MUC5AC: variants seen among roughly 807,000 people sequenced by gnomAD.
MUC5AC encodes mucin 5AC, oligomeric mucus/gel-forming.
Under a neutral mutation model 169.7 loss-of-function variants are expected in MUC5AC, and 158 were observed. The observed-to-expected ratio is 0.93, with a 90% CI of 0.82 to 1.06. The LOEUF is 1.06. Among genes scored for constraint, MUC5AC ranks in the 50% least tolerant of loss-of-function variants. The pLI is 0.00. For missense variants in MUC5AC, 4,359 were observed against 3,089.9 expected (o/e 1.41, Z -9.74); for synonymous variants, 1,975 against 1,237.0 (o/e 1.60, Z -12.52).
At position 1,186,887 on chromosome 11, in the gene MUC5AC, C is replaced by G. The variant is rs2133759592; in HGVS notation, c.8742C>G (p.Thr2914=). Residue 2914 remains threonine, a synonymous_variant, in exon 31 of 49, where the codon ACC becomes ACG. Transcript: ENST00000621226. The part of the protein sequence containing the change: ...PTTSTTSAPT[T]STTSAPTSST... ...CCAGCACAACCTCTGCCCCTACAACCAGCACAACCTCTGCCCCTACAAGCA... is the reference window on the plus strand; with the variant it reads ...CCAGCACAACCTCTGCCCCTACAACGAGCACAACCTCTGCCCCTACAAGCA... The G allele has an allele frequency of 1.4e-6, 1 of 727,332 alleles. No homozygotes were observed. The highest frequency in any genetic ancestry group is 1.7e-5 in the African/African-American group (1 of 57,894). 45.1% of individuals were successfully genotyped at this position (727,332 alleles called of 1,614,324 possible).
In MUC5AC at chr11:1,186,253, T is replaced by C. The variant is rs1210443463; in HGVS notation, c.8108T>C (p.Val2703Ala). 2 of 728,426 alleles carry C rather than the reference T, an allele frequency of 2.7e-6. No individual in the cohort carries two copies. The highest frequency in any genetic ancestry group is 1.9e-5 in the African/African-American group (1 of 53,876). 45.1% of individuals were successfully genotyped at this position (728,426 alleles called of 1,614,324 possible). The change falls in exon 31 of 49, where the codon GTT becomes GCT. Residue 2703 changes from valine (V) to alanine (A), a missense_variant. Coordinates refer to ENST00000621226, the MANE Select transcript of MUC5AC (RefSeq NM_001304359.2). ...TSGPGTTPSP[V>A]PTTSTTSAPT... The stretch of plus-strand genomic sequence containing the variant: ...GGTCCTGGAACTACTCCCAGCCCTG[T>C]TCCCACCACCAGCACAACCTCTGCT...
intron 11 of MUC5AC, 65 bp downstream of exon 11, chr11:1,165,825 TC>T: frequency 1.9e-6 from 3 of 1,597,482 alleles, no homozygotes; most frequent in Non-Finnish European, 1.7e-6. Flanking sequence ...TCCCACAGGC[TC>T]CCCCAGCTTG....
In MUC5AC at chr11:1,164,137, T is replaced by C; in HGVS notation, c.821T>C (p.Leu274Pro). 6.2e-7 allele frequency: 1 copy of C among 1,612,346 alleles called. No homozygotes were observed. Among genetic ancestry groups the C allele is most frequent in the Non-Finnish European group, 8.5e-7 (1 of 1,179,856 alleles). Residue 274 changes from leucine (L) to proline (P), a missense_variant, in exon 8 of 49, where the codon CTG (leucine) becomes CCG (proline). Leu to Pro is a moderately conservative substitution (Grantham distance 98). Coordinates refer to ENST00000621226, the MANE Select transcript of MUC5AC (RefSeq NM_001304359.2). ...TGTGAGGAGCTCCTGCACGGCCAGC[T>C]GTTCTCTGGCTGCGTGGCCCTGGTG... ...GICEELLHGQ[L>P]FSGCVALVDV...
intron 45 of MUC5AC, 68 bp downstream of exon 45, chr11:1,199,253 G>A (rs891871953): frequency 2.0e-5 from 14 of 710,556 alleles, no homozygotes; most frequent in South Asian, 2.9e-5. Flanking sequence ...GGGACCTGTC[G>A]TTGCCAGGCA....
intron 33 of MUC5AC, 49 bp from the exon 34 acceptor site, chr11:1,194,061 T>C (rs752045718): frequency 1.3e-6 from 1 of 756,438 alleles, no homozygotes; most frequent in Non-Finnish European, 2.4e-6. Flanking sequence ...CCCAGGGCCA[T>C]GGTGCCACCA....
In MUC5AC at chr11:1,192,234, C is replaced by T. The variant is rs781353013; in HGVS notation, c.14089C>T (p.Arg4697Cys). Reference protein sequence around the residue: ...EHLGQVVQCSREEGLVCRNQD... With the variant: ...EHLGQVVQCSCEEGLVCRNQD... Reference sequence around the variant, plus strand: ...CCTGGGTCAGGTGGTGCAGTGCAGCCGTGAAGAGGGCCTGGTGTGCCGGAA... The same window carrying T: ...CCTGGGTCAGGTGGTGCAGTGCAGCTGTGAAGAGGGCCTGGTGTGCCGGAA... Residue 4697 changes from arginine (R) to cysteine (C), a missense_variant, in exon 31 of 49, where the codon CGT (arginine) becomes TGT (cysteine). Arg to Cys is a radical substitution (Grantham distance 180). Coordinates refer to ENST00000621226, the MANE Select transcript of MUC5AC (RefSeq NM_001304359.2). The T allele has an allele frequency of 2.5e-5, 19 of 764,990 alleles. No homozygotes were observed. Among genetic ancestry groups the T allele is most frequent in the South Asian group, 6.7e-5 (5 of 74,626 alleles). 47.4% of individuals were successfully genotyped at this position (764,990 alleles called of 1,614,324 possible).
At chr11:1,197,445 G>A (rs1277405455) in intron 40 of MUC5AC, 23 bp from the exon 41 acceptor site, 3 of 703,206 alleles carry the variant, frequency 4.3e-6, no homozygotes, top group Non-Finnish European at 7.8e-6. Flanking sequence ...GCGGACGCTG[G>A]ACCTCAGTCC....
intron 15 of MUC5AC, among the ~76,000 whole-genome samples, chr11:1,170,493 T>C (rs1344511965): frequency 2.8e-5 from 3 of 108,994 alleles, no homozygotes; most frequent in Admixed American, 9.1e-5. Flanking sequence ...ACCCACTCAC[T>C]CACCCACTCA....
At chr11:1,168,082 A>C in intron 12 of MUC5AC, 95 bp downstream of exon 12, 1 of 1,096,414 alleles carries the variant, frequency 9.1e-7, no homozygotes. Flanking sequence ...CCCTGGCATG[A>C]ACAGCGAGAG....
rs1860948700 is a variant in MUC5AC at position 1,186,446 on chromosome 11, GACTACAACCAGCACAACCTCTGCT to G, written c.8318_8341del (p.Thr2773_Thr2780del). The G allele has an allele frequency of 1.8e-5, 11 of 605,146 alleles. No homozygotes were observed. Among genetic ancestry groups the G allele is most frequent in the East Asian group, 3.1e-5 (1 of 31,934 alleles). The allele number at this position is 605,146 out of a possible 1,614,324, so 37.5% of individuals were successfully genotyped here. On this transcript the variant is annotated inframe_deletion, in exon 31 of 49. Coordinates refer to ENST00000621226, the MANE Select transcript of MUC5AC (RefSeq NM_001304359.2). ...CCTCTACCACCAGCACAACCTCTGC[GACTACAACCAGCACAACCTCTGCT>G]ACTACAACCAGCACAATCTCTGCCC...
In MUC5AC at chr11:1,161,995, C is replaced by T. The variant is rs772703676; in HGVS notation, c.300C>T (p.Pro100=). ...KTFDGDVFRF[P]GLCNYVFSEH... ...TCGACGGCGACGTCTTCCGCTTCCC[C>T]GGCCTCTGCAACTACGTGTTCTCCG... Residue 100 remains proline, a synonymous_variant, in exon 4 of 49, where the codon CCC becomes CCT. Transcript: ENST00000621226. 87 of 1,612,300 alleles carry T rather than the reference C, an allele frequency of 5.4e-5. No homozygotes were observed. The highest frequency in any genetic ancestry group is 6.7e-5 in the Non-Finnish European group (79 of 1,179,730).
At position 1,167,921 on chromosome 11, in the gene MUC5AC, G is replaced by C. The variant is rs1302298442; in HGVS notation, c.1431G>C (p.Arg477Ser). 2 of 1,550,698 alleles carry C rather than the reference G, an allele frequency of 1.3e-6. No homozygotes were observed. The highest frequency in any genetic ancestry group is 1.7e-6 in the Non-Finnish European group (2 of 1,147,206). The change falls in exon 12 of 49, where the codon AGG becomes AGC. Residue 477 changes from arginine to serine, a missense_variant. Coordinates refer to ENST00000621226, the MANE Select transcript of MUC5AC (RefSeq NM_001304359.2). ...TCACTGTACTGGCTGAGCTGCGCAG[G>C]TGCGGGCTGACGGACAGCGAGACCT... is the stretch of plus-strand genomic sequence containing the variant. ...SAFTVLAELR[R>S]CGLTDSETCL...
rs1861040450 is a variant in MUC5AC, at chr11:1,189,663, A to G, written c.11518A>G (p.Thr3840Ala). The G allele has an allele frequency of 1.6e-6, 1 of 628,624 alleles. No individual in the cohort carries two copies. The highest frequency in any genetic ancestry group is 2.8e-6 in the Non-Finnish European group (1 of 352,208). The allele number at this position is 628,624 out of a possible 1,614,324, so 38.9% of individuals were successfully genotyped here. Residue 3840 changes from threonine to alanine, a missense_variant, in exon 31 of 49, where the codon ACT (threonine) becomes GCT (alanine). By Grantham distance (58) the Thr-to-Ala change is moderately conservative. Transcript: ENST00000621226. ...AACCTCAGCTCCTACAACCAGCACA[A>G]CTTCTGCCCCTACAACCAGCACAAC... Reference protein sequence around the residue: ...STTSAPTTSTTSAPTTSTTST... With the variant: ...STTSAPTTSTASAPTTSTTST...
intron 5 of MUC5AC, 96 bp from the exon 6 acceptor site, chr11:1,162,859 G>A (rs1209589857): frequency 3.4e-5 from 44 of 1,276,082 alleles, no homozygotes; most frequent in Admixed American, 1.2e-4. Context: ...TGTCTCTTCC[G>A]TGGGCCTCGG....
Position 1,181,187 on chromosome 11 carries a change from G to T in MUC5AC, c.3820+5G>T. 1 of 398,652 alleles carries T rather than the reference G, an allele frequency of 2.5e-6. No homozygotes were observed. The highest frequency in any genetic ancestry group is 2.1e-5 in the African/African-American group (1 of 48,734). 24.7% of individuals were successfully genotyped at this position (398,652 alleles called of 1,614,324 possible). The stretch of plus-strand genomic sequence containing the variant: ...AGTGCACCTACAAAGCTGAGGGTGA[G>T]CGGCCGGCAGCCCCTGGGGCTGGGG... On this transcript the variant is annotated splice_donor_5th_base_variant and intron_variant, in intron 29 of 48. Coordinates refer to ENST00000621226, the MANE Select transcript of MUC5AC (RefSeq NM_001304359.2).
Position 1,168,698 on chromosome 11 carries a change from G to C in MUC5AC, c.1624G>C (p.Gly542Arg), listed in dbSNP as rs770587690. 39 of 1,610,708 alleles carry C rather than the reference G, an allele frequency of 2.4e-5. No homozygotes were observed. In the South Asian group the frequency reaches 4.2e-4, roughly 17 times the overall value. Reference sequence around the variant, plus strand: ...CTTCATCATCGCCCAGACCAGCCTGGGCCTGCAGCTGAACCTGCAGCTGGT... The same window carrying C: ...CTTCATCATCGCCCAGACCAGCCTGCGCCTGCAGCTGAACCTGCAGCTGGT... ...TFFIIAQTSL[G>R]LQLNLQLVPT... The change falls in exon 14 of 49, where the codon GGC becomes CGC. Residue 542 changes from glycine to arginine, a missense_variant. Gly to Arg is a moderately radical substitution (Grantham distance 125). Transcript: ENST00000621226.
intron 19 of MUC5AC, among the ~76,000 whole-genome samples, chr11:1,175,896 C>T (rs1860670920): frequency 6.9e-6 from 1 of 143,992 alleles, no homozygotes; most frequent in Non-Finnish European, 1.5e-5. Context: ...TGCACACACA[C>T]CCACACATGC....
Position 1,194,319 on chromosome 11 carries a change from G to C in MUC5AC, c.14965G>C (p.Val4989Leu). The change falls in exon 34 of 49, where the codon GTG becomes CTG. Residue 4989 changes from valine (V) to leucine (L), a missense_variant. Val to Leu is a conservative substitution (Grantham distance 32, BLOSUM62 1). Coordinates refer to ENST00000621226, the MANE Select transcript of MUC5AC (RefSeq NM_001304359.2). ...CCTGGAGTACCACCAGGACCGCGTG[G>C]TGCTGACCCGCAAGCCAGTCCACGG... is the stretch of plus-strand genomic sequence containing the variant. ...IILEYHQDRVVLTRKPVHGVM... is the reference protein window; with the variant it reads ...IILEYHQDRVLLTRKPVHGVM... 2 of 736,426 alleles carry C rather than the reference G, an allele frequency of 2.7e-6. No homozygotes were observed. Among genetic ancestry groups the C allele is most frequent in the Non-Finnish European group, 4.9e-6 (2 of 405,596 alleles). 45.6% of individuals were successfully genotyped at this position (736,426 alleles called of 1,614,324 possible).
rs1861016364 is a variant in MUC5AC, at chr11:1,188,848, A to C, written c.10703A>C (p.Gln3568Pro). 1.3e-6 allele frequency: 1 copy of C among 763,180 alleles called. No homozygotes were observed. The highest frequency in any genetic ancestry group is 2.4e-6 in the Non-Finnish European group (1 of 416,854). 47.3% of individuals were successfully genotyped at this position (763,180 alleles called of 1,614,324 possible). A position where few individuals can be genotyped will look rare whatever the true frequency, so the allele number is the denominator to read the frequency against. ...CGACCTGAGGAGATCACCAGGCTCC[A>C]GTGCCGAGCCAAGAGCCACCCGGAG... is the stretch of plus-strand genomic sequence containing the variant. ...CRRPEEITRLQCRAKSHPEVS... is the reference protein window; with the variant it reads ...CRRPEEITRLPCRAKSHPEVS... The change falls in exon 31 of 49, where the codon CAG (glutamine) becomes CCG (proline). Residue 3568 changes from glutamine (Q) to proline (P), a missense_variant. Physicochemically the swap from Gln to Pro is moderately conservative, Grantham distance 76 (BLOSUM62 -1). Transcript: ENST00000621226.
Sources: gnomAD v4.1 joint callset for allele counts (sites outside exome capture counted in the v4.1 genomes callset) on GRCh38, gnomAD v4.1.1 for gene constraint, MANE v1.5 for transcripts, NCBI Gene and HGNC (gene_info 2026-07-23, HGNC 2026-07-21) for gene names.